SEPTIN9: variants seen among roughly 807,000 people sequenced by gnomAD.
SEPTIN9 encodes septin 9.
In SEPTIN9, 13 loss-of-function variants were observed where a neutral mutation model predicts 56.6. The ratio of observed to expected loss-of-function variants is 0.23; its 90% CI spans 0.15 to 0.37. The LOEUF (loss-of-function observed/expected upper bound fraction) is 0.37. SEPTIN9 is among the 10% of genes least tolerant of loss of function. The probability of loss-of-function intolerance (pLI) is 1.00; values close to 1 mark genes in which losing one functional copy is unlikely to be tolerated. For synonymous variants in SEPTIN9, 332 were observed against 334.1 expected, an observed-to-expected ratio of 0.99 and a Z score of 0.07; for missense variants, 650 against 823.1, an observed-to-expected ratio of 0.79 and a Z score of 2.57.
rs1431075076 is a variant in SEPTIN9 at position 77,327,458 on chromosome 17, G to T, written c.76+20261G>T. The stretch of plus-strand genomic sequence containing the variant: ...GGGCATTGGCATAGATTCTGGGGCT[G>T]CCTTGGTTCAAGCCCACCCTGACTT... On this transcript the variant is annotated intron_variant, in intron 2 of 11. Coordinates refer to ENST00000427177, the MANE Select transcript of SEPTIN9 (RefSeq NM_001113491.2). The surrounding 1 kb of genome is among the most constrained non-coding windows in gnomAD (Gnocchi z 5.0). 6.6e-6 allele frequency among the ~76,000 whole-genome samples: 1 copy of T among 152,174 alleles called. No individual in the cohort carries two copies. Among genetic ancestry groups the T allele is most frequent in the Non-Finnish European group, 1.5e-5 (1 of 68,034 alleles).
intron 1 of SEPTIN9, among the ~76,000 whole-genome samples, chr17:77,288,843 C>G (rs2031397314): frequency 6.6e-6 from 1 of 152,108 alleles, no homozygotes; most frequent in Admixed American, 6.6e-5. Flanking sequence ...GGCGTAGACA[C>G]CATGGAGGCA....
At chr17:77,457,858 T>C (rs1182293706) in intron 3 of SEPTIN9, among the ~76,000 whole-genome samples, 2 of 152,230 alleles carry the variant, frequency 1.3e-5, no homozygotes, top group Non-Finnish European at 2.9e-5. Flanking sequence ...CTGTAATGTT[T>C]TACTCTTCTT....
chr17:77,338,874 A>G (rs757897655), intron 2 of SEPTIN9, among the ~76,000 whole-genome samples: 25 of 152,238 alleles, frequency 1.6e-4, no homozygotes, highest in Non-Finnish European at 3.2e-4. Context: ...GGATTGATCA[A>G]ATAAGTTGAT....
rs200578573 is a variant in SEPTIN9 at position 77,487,402 on chromosome 17, C to A, written c.914-22C>A. On this transcript the variant is annotated intron_variant, in intron 4 of 11. Coordinates refer to ENST00000427177, the MANE Select transcript of SEPTIN9 (RefSeq NM_001113491.2). The surrounding 1 kb of genome is among the most constrained non-coding windows in gnomAD (Gnocchi z 4.3). ...TGGTCTCTCCGGAGAGACCCCTGAC[C>A]GGCCTCCCATCCTCTCCCCAGGGCA... 1.3e-6 allele frequency: 2 copies of A among 1,584,512 alleles called. No individual in the cohort carries two copies. The highest frequency in any genetic ancestry group is 1.2e-5 in the South Asian group (1 of 86,820).
intron 2 of SEPTIN9, among the ~76,000 whole-genome samples, chr17:77,353,862 T>A (rs1241545482): frequency 6.6e-6 from 1 of 152,152 alleles, no homozygotes; most frequent in Non-Finnish European, 1.5e-5. Flanking sequence ...TTGTCACAAG[T>A]CCATGAGAAT....
chr17:77,305,610 C>T (rs1318749993), intron 1 of SEPTIN9, among the ~76,000 whole-genome samples: 1 of 151,874 alleles, frequency 6.6e-6, no homozygotes, highest in Non-Finnish European at 1.5e-5. Context: ...TGGGGCCCAT[C>T]TGGGGGTTCC....
chr17:77,492,544 A>G lies in SEPTIN9; in HGVS notation c.1381-77A>G. The G allele has an allele frequency of 1.6e-6, 2 of 1,285,656 alleles. No homozygotes were observed. Among genetic ancestry groups the G allele is most frequent in the Non-Finnish European group, 2.3e-6 (2 of 880,834 alleles). 79.6% of individuals were successfully genotyped at this position (1,285,656 alleles called of 1,614,324 possible). On this transcript the variant is annotated intron_variant, in intron 8 of 11. Coordinates refer to ENST00000427177, the MANE Select transcript of SEPTIN9 (RefSeq NM_001113491.2). The surrounding 1 kb of genome is among the most constrained non-coding windows in gnomAD (Gnocchi z 5.4). ...GAGCCTGGGGCAGCACACAGTGTGGAGGTCATGTGGCAAACACCAGTGGGT... is the reference window on the plus strand; with the variant it reads ...GAGCCTGGGGCAGCACACAGTGTGGGGGTCATGTGGCAAACACCAGTGGGT...
intron 2 of SEPTIN9, chr17:77,373,302 G>A (rs1209538382): frequency 2.6e-6 from 3 of 1,158,192 alleles, no homozygotes; most frequent in African/African-American, 1.6e-5. Context: ...GGGGCGCAGC[G>A]CGCGGGGAGG....
intron 2 of SEPTIN9, among the ~76,000 whole-genome samples, chr17:77,356,523 G>A (rs575389029): frequency 7.3e-5 from 11 of 151,270 alleles, no homozygotes; most frequent in Non-Finnish European, 1.0e-4. Flanking sequence ...GAAGGTATTC[G>A]TGGGAACCAA....
intron 7 of SEPTIN9, among the ~76,000 whole-genome samples, chr17:77,490,494 G>A (rs552307437): frequency 1.1e-4 from 17 of 152,354 alleles, no homozygotes; most frequent in South Asian, 8.3e-4. Flanking sequence ...ATGGACGAGG[G>A]TGCTTGGAGC....
intron 3 of SEPTIN9, among the ~76,000 whole-genome samples, chr17:77,459,352 A>AT (rs960237131): frequency 6.6e-6 from 1 of 152,084 alleles, no homozygotes; most frequent in Non-Finnish European, 1.5e-5. Flanking sequence ...TCACTCGCAC[A>AT]TTCACCCAGC....
chr17:77,463,566 G>T (rs1276520829), intron 3 of SEPTIN9, among the ~76,000 whole-genome samples: 1 of 152,096 alleles, frequency 6.6e-6, no homozygotes, highest in Non-Finnish European at 1.5e-5. Flanking sequence ...TTCTCAGCTG[G>T]GTGTGGTGGC....
intron 3 of SEPTIN9, among the ~76,000 whole-genome samples, chr17:77,412,423 T>G (rs1283209054): frequency 6.6e-6 from 1 of 152,188 alleles, no homozygotes; most frequent in Non-Finnish European, 1.5e-5. Flanking sequence ...TATCCTTTTC[T>G]TGTTGAAATT....
At position 77,400,139 on chromosome 17, in the gene SEPTIN9, G is replaced by A. The variant is rs747566683; in HGVS notation, c.77-1920G>A. Among the ~76,000 whole-genome samples the A allele has an allele frequency of 2.0e-5, 3 of 152,118 alleles. No homozygotes were observed. Among genetic ancestry groups the A allele is most frequent in the Non-Finnish European group, 2.9e-5 (2 of 68,026 alleles). ...CTATAGGCGAGTGTCACCATGCCCAGCTAATTTTTTATTTTTAGTAAAGAT... is the reference window on the plus strand; with the variant it reads ...CTATAGGCGAGTGTCACCATGCCCAACTAATTTTTTATTTTTAGTAAAGAT... On this transcript the variant is annotated intron_variant, in intron 2 of 11. Coordinates refer to ENST00000427177, the MANE Select transcript of SEPTIN9 (RefSeq NM_001113491.2). The surrounding 1 kb of genome is among the most constrained non-coding windows in gnomAD (Gnocchi z 4.1).
chr17:77,431,002 AAAG>A (rs537494347), intron 3 of SEPTIN9, among the ~76,000 whole-genome samples: 33 of 131,778 alleles, frequency 2.5e-4, no homozygotes, highest in Non-Finnish European at 3.3e-4. Context: ...AAAAAAAAAA[AAAG>A]AAGAAGAACA....
At chr17:77,390,224 GT>G in intron 2 of SEPTIN9, among the ~76,000 whole-genome samples, 1 of 151,544 alleles carries the variant, frequency 6.6e-6, no homozygotes, top group African/African-American at 2.4e-5. Flanking sequence ...GCAGGCGCCC[GT>G]AGTCCCAGCT....
intron 3 of SEPTIN9, chr17:77,454,212 C>CA: frequency 3.0e-6 from 3 of 985,514 alleles, no homozygotes; most frequent in Non-Finnish European, 3.6e-6. Context: ...AGGCTGACCA[C>CA]CCTGGAGGCT....
chr17:77,340,350 A>G (rs978070673), intron 2 of SEPTIN9, among the ~76,000 whole-genome samples: 1 of 152,136 alleles, frequency 6.6e-6, no homozygotes, highest in Admixed American at 6.6e-5. Context: ...CATGTTGGCC[A>G]GGCTGGTCTC....
In SEPTIN9 at chr17:77,436,767, G is replaced by T. The variant is rs904021042; in HGVS notation, c.721+34064G>T. Among the ~76,000 whole-genome samples the T allele has an allele frequency of 6.6e-6, 1 of 152,252 alleles. No individual in the cohort carries two copies. Among genetic ancestry groups the T allele is most frequent in the Non-Finnish European group, 1.5e-5 (1 of 68,042 alleles). On this transcript the variant is annotated intron_variant, in intron 3 of 11. Transcript: ENST00000427177. This position sits in a 1 kb window ranked among gnomAD's most constrained non-coding sequence, Gnocchi z 4.4. ...TCCTGGGAGTGACTGAAAGTCCTTG[G>T]GGGTTCCTGCAGGGTGAGCTGCCCA...
Sources: allele counts gnomAD v4.1 joint callset (sites outside exome capture counted in the v4.1 genomes callset), GRCh38; gene constraint gnomAD v4.1.1; non-coding constraint Gnocchi (gnomAD v3.1); transcripts MANE v1.5; gene names NCBI Gene and HGNC (gene_info 2026-07-23, HGNC 2026-07-21).